Variants in LMNTD1 observed in about 807,000 individuals in gnomAD.
LMNTD1 encodes lamin tail domain containing 1.
A neutral mutation model predicts 50.9 loss-of-function variants in LMNTD1; 35 were observed. The ratio of observed to expected loss-of-function variants is 0.69; its 90% CI spans 0.53 to 0.91. The LOEUF (loss-of-function observed/expected upper bound fraction) is 0.91, where lower values mean the gene tolerates loss of function less well. Ranked by LOEUF, LMNTD1 falls within the 40% of genes least tolerant of loss-of-function variation. The pLI is 0.00. For synonymous variants in LMNTD1, 153 were observed against 161.9 expected, an observed-to-expected ratio of 0.94 and a Z score of 0.42; for missense variants, 470 against 475.5, an observed-to-expected ratio of 0.99 and a Z score of 0.11.
At chr12:25,647,939 TC>T (rs1276046746) in intron 1 of LMNTD1, among the ~76,000 whole-genome samples, 1 of 152,202 alleles carries the variant, frequency 6.6e-6, no homozygotes, top group East Asian at 1.9e-4. Flanking sequence ...CTCTTTCTCT[TC>T]CTTTCCTTCC....
intron 6 of LMNTD1, among the ~76,000 whole-genome samples, chr12:25,524,170 AC>A (rs1443349365): frequency 6.6e-6 from 1 of 152,150 alleles, no homozygotes; most frequent in East Asian, 1.9e-4. Flanking sequence ...GATATTTCTG[AC>A]CTGGGCTGCC....
At chr12:25,534,658 T>C (rs544319020) in intron 4 of LMNTD1, among the ~76,000 whole-genome samples, 6 of 152,258 alleles carry the variant, frequency 3.9e-5, no homozygotes, top group South Asian at 2.1e-4. Flanking sequence ...CCCAAGACTG[T>C]AGAAAAAGAC....
chr12:25,486,673 T>C (rs1446567391), intron 9 of LMNTD1, among the ~76,000 whole-genome samples: 2 of 150,666 alleles, frequency 1.3e-5, no homozygotes, highest in African/African-American at 4.9e-5. Flanking sequence ...TTTTGAAATA[T>C]GTCCCATCAA....
upstream of LMNTD1, among the ~76,000 whole-genome samples, chr12:25,556,516 C>T (rs750013293): frequency 2.0e-5 from 3 of 152,150 alleles, no homozygotes; most frequent in Non-Finnish European, 4.4e-5. Context: ...AAATGCTTGT[C>T]CATTCCTGAA....
At chr12:25,599,976 A>T (rs1406620456) in intron 1 of LMNTD1, among the ~76,000 whole-genome samples, 5 of 151,926 alleles carry the variant, frequency 3.3e-5, no homozygotes, top group Non-Finnish European at 1.5e-5. Flanking sequence ...ACCACAAAAG[A>T]CCCTGAATAC....
intron 1 of LMNTD1, among the ~76,000 whole-genome samples, chr12:25,597,900 C>T (rs1945876684): frequency 6.6e-6 from 1 of 152,134 alleles, no homozygotes; most frequent in African/African-American, 2.4e-5. Flanking sequence ...CCACCCAAGT[C>T]TCACCTTGAA....
chr12:25,570,935 T>A (rs116814984), intron 1 of LMNTD1, among the ~76,000 whole-genome samples: 4 of 152,156 alleles, frequency 2.6e-5, no homozygotes, highest in African/African-American at 9.7e-5. Context: ...TAGTAATAGA[T>A]AGGATGGAGT....
upstream of LMNTD1, among the ~76,000 whole-genome samples, chr12:25,555,053 A>G (rs1357841136): frequency 6.6e-6 from 1 of 151,188 alleles, no homozygotes; most frequent in Non-Finnish European, 1.5e-5. Context: ...TGACAGAACC[A>G]GTCTCCGTCA....
chr12:25,523,571 T>C (rs1230847553), intron 6 of LMNTD1, among the ~76,000 whole-genome samples: 1 of 152,140 alleles, frequency 6.6e-6, no homozygotes, highest in Non-Finnish European at 1.5e-5. Context: ...AGCATGTCTA[T>C]GAGAAGGCAG....
chr12:25,542,427 T>G (rs1288075964), intron 4 of LMNTD1, among the ~76,000 whole-genome samples: 7 of 150,396 alleles, frequency 4.7e-5, no homozygotes, highest in African/African-American at 1.7e-4. Flanking sequence ...TGTAGGGACA[T>G]GGATGAAATT....
chr12:25,591,811 CAGAGAGAGAGAGAGAGAGAGAGAGAG>C (rs58392351), intron 1 of LMNTD1, among the ~76,000 whole-genome samples: 5,427 of 90,140 alleles, frequency 0.06, 388 homozygotes, highest in African/African-American at 0.19. Context: ...TAGCTCAGAA[CAGAGAGAGAGAGAGAGAGAGAGAGAG>C]AGAGAGAGAG....
chr12:25,590,088 C>G (rs1945650242), intron 1 of LMNTD1, among the ~76,000 whole-genome samples: 1 of 148,692 alleles, frequency 6.7e-6, no homozygotes, highest in Non-Finnish European at 1.5e-5. Context: ...TCTATAAGAA[C>G]CAAAAATCAG....
rs71065950 is a variant in LMNTD1 at position 25,520,145 on chromosome 12, CATATATAT to C, written c.799-78_799-71del. ...TTACAACATGCTGTTATGAGATATA[CATATATAT>C]ATATATATATATATATATATATAGT... is the stretch of plus-strand genomic sequence containing the variant. On this transcript the variant is annotated intron_variant, in intron 6 of 9. Transcript: ENST00000458174. 3.9e-3 allele frequency: 907 copies of C among 234,168 alleles called. 17 individuals are homozygous for C. The highest frequency in any genetic ancestry group is 7.6e-3 in the Middle Eastern group (5 of 662). The allele number at this position is 234,168 out of a possible 1,614,324, so 14.5% of individuals were successfully genotyped here.
At chr12:25,596,070 A>T (rs1466771097) in intron 1 of LMNTD1, among the ~76,000 whole-genome samples, 4 of 152,114 alleles carry the variant, frequency 2.6e-5, no homozygotes, top group African/African-American at 9.7e-5. Flanking sequence ...CAGACCAATA[A>T]CAAGCAGTAA....
upstream of LMNTD1, among the ~76,000 whole-genome samples, chr12:25,557,916 A>G (rs1462775348): frequency 1.3e-5 from 2 of 152,234 alleles, no homozygotes; most frequent in African/African-American, 4.8e-5. Flanking sequence ...TTATTGGAGA[A>G]CAATTTGAAT....
chr12:25,509,838 T>G (rs1271281502), intron 8 of LMNTD1, among the ~76,000 whole-genome samples: 1 of 152,192 alleles, frequency 6.6e-6, no homozygotes, highest in Non-Finnish European at 1.5e-5. Flanking sequence ...TATCAAGGAA[T>G]GCCGGCAATG....
In LMNTD1 at chr12:25,623,322, A is replaced by C. The variant is rs530104469; in HGVS notation, c.58+25172T>G. 3.3e-5 allele frequency among the ~76,000 whole-genome samples: 5 copies of C among 151,964 alleles called. No individual in the cohort carries two copies. The East Asian group carries it at 9.7e-4, about 29-fold the overall frequency. On this transcript the variant is annotated intron_variant, in intron 1 of 7. Coordinates refer to the LMNTD1 transcript ENST00000445693. ...CCCAGCACTTTAGGAGGCCAAAGTG[A>C]GTGGATCACTTGAGGTCAGGAGTTC...
intron 1 of LMNTD1, among the ~76,000 whole-genome samples, chr12:25,616,556 A>G (rs1482040756): frequency 6.6e-6 from 1 of 152,200 alleles, no homozygotes; most frequent in Admixed American, 6.6e-5. Flanking sequence ...AGGGAAGTGG[A>G]TCCTGGTGGT....
At position 25,515,137 on chromosome 12, in the gene LMNTD1, A is replaced by C. The variant is rs116945637; in HGVS notation, c.1189+3658T>G. On this transcript the variant is annotated intron_variant, in intron 8 of 9. Coordinates refer to ENST00000458174, the MANE Select transcript of LMNTD1 (RefSeq NM_001145728.2). ...GCACAAGTAGACTTGCACAAGGATAATCATTGCCGTAGACATAACATTTTC... is the reference window on the plus strand; with the variant it reads ...GCACAAGTAGACTTGCACAAGGATACTCATTGCCGTAGACATAACATTTTC... Among the ~76,000 whole-genome samples, 1,472 of 152,246 alleles carry C rather than the reference A, an allele frequency of 9.7e-3. 14 individuals carry two copies. The highest frequency in any genetic ancestry group is 0.016 in the Non-Finnish European group (1,078 of 67,962).
Sources: allele counts gnomAD v4.1 joint callset (sites outside exome capture counted in the v4.1 genomes callset), GRCh38; gene constraint gnomAD v4.1.1; transcripts MANE v1.5; gene names NCBI Gene and HGNC (gene_info 2026-07-23, HGNC 2026-07-21).